Variants in CSNK1G3 observed in about 807,000 individuals in gnomAD.
The protein encoded by CSNK1G3 is casein kinase I isoform gamma-3.
A neutral mutation model predicts 64.3 loss-of-function variants in CSNK1G3; 23 were observed. That is an observed-to-expected ratio of 0.36 (90% confidence interval 0.26 to 0.51). The LOEUF (loss-of-function observed/expected upper bound fraction) is 0.51, where lower values mean the gene tolerates loss of function less well. Ranked by LOEUF, CSNK1G3 falls within the 20% of genes least tolerant of loss-of-function variation. CSNK1G3 has a pLI of 0.96. For missense variants in CSNK1G3, 357 were observed against 510.5 expected (o/e 0.70, Z 2.90); for synonymous variants, 158 against 162.2 (o/e 0.97, Z 0.20).
intron 1 of CSNK1G3, among the ~76,000 whole-genome samples, chr5:123,529,405 T>C (rs1159260935): frequency 6.6e-6 from 1 of 152,142 alleles, no homozygotes; most frequent in Non-Finnish European, 1.5e-5. Flanking sequence ...TGAAAGAACA[T>C]TCTTTTAAAT....
chr5:123,548,565 G>A (rs1783020939), intron 2 of CSNK1G3, among the ~76,000 whole-genome samples: 1 of 151,372 alleles, frequency 6.6e-6, no homozygotes, highest in South Asian at 2.1e-4. Context: ...TTAAATACGT[G>A]TGTTTATCAT....
At chr5:123,522,797 G>A (rs982879173) in intron 1 of CSNK1G3, among the ~76,000 whole-genome samples, 3 of 152,124 alleles carry the variant, frequency 2.0e-5, no homozygotes, top group Admixed American at 2.0e-4. Flanking sequence ...GATAATGAGG[G>A]TCAATTGTAC....
chr5:123,590,745 C>T (rs528366997), intron 9 of CSNK1G3, among the ~76,000 whole-genome samples, 187 bp downstream of exon 9: 1 of 152,096 alleles, frequency 6.6e-6, no homozygotes, highest in South Asian at 2.1e-4. Context: ...AGCCCTACAT[C>T]TGGATTCTTT....
intron 4 of CSNK1G3, 88 bp from the exon 5 acceptor site, chr5:123,573,305 C>T: frequency 7.1e-7 from 1 of 1,398,766 alleles, no homozygotes; most frequent in Non-Finnish European, 1.0e-6. Context: ...GTTCTTGAAA[C>T]TATAAAATTT....
At chr5:123,594,823 CTATTT>C (rs1363221973) in intron 10 of CSNK1G3, among the ~76,000 whole-genome samples, 1 of 152,010 alleles carries the variant, frequency 6.6e-6, no homozygotes, top group African/African-American at 2.4e-5. Flanking sequence ...TTTTATGGTT[CTATTT>C]TATTTTTATT....
At chr5:123,613,407 G>A (rs1340324572) in intron 12 of CSNK1G3, among the ~76,000 whole-genome samples, 4 of 129,290 alleles carry the variant, frequency 3.1e-5, no homozygotes, top group Non-Finnish European at 6.8e-5. Context: ...ACCATGTCCA[G>A]TGCATGTGTG....
chr5:123,519,516 A>T (rs1777735417), intron 1 of CSNK1G3, among the ~76,000 whole-genome samples: 1 of 151,802 alleles, frequency 6.6e-6, no homozygotes, highest in Non-Finnish European at 1.5e-5. Context: ...ACTTGTTTAA[A>T]TTTTTTTTTC....
intron 10 of CSNK1G3, among the ~76,000 whole-genome samples, chr5:123,594,285 A>T (rs1021702695): frequency 1.3e-5 from 2 of 152,196 alleles, no homozygotes; most frequent in Non-Finnish European, 2.9e-5. Context: ...TTACTGGTAG[A>T]TTATGATGTT....
At chr5:123,535,825 A>G (rs1478837470) in intron 1 of CSNK1G3, among the ~76,000 whole-genome samples, 3 of 152,112 alleles carry the variant, frequency 2.0e-5, no homozygotes, top group South Asian at 2.1e-4. Flanking sequence ...TTTGATGTTC[A>G]ATTTTAAGCT....
chr5:123,522,643 A>G (rs1238509870), intron 1 of CSNK1G3, among the ~76,000 whole-genome samples: 1 of 152,144 alleles, frequency 6.6e-6, no homozygotes, highest in Admixed American at 6.5e-5. Context: ...AATACAATGT[A>G]AGTGCTGTGT....
chr5:123,541,213 C>T (rs546344876), intron 1 of CSNK1G3, among the ~76,000 whole-genome samples: 1 of 151,888 alleles, frequency 6.6e-6, no homozygotes, highest in Non-Finnish European at 1.5e-5. Flanking sequence ...TGTTTTGCCT[C>T]GTTTTGCTCA....
intron 4 of CSNK1G3, among the ~76,000 whole-genome samples, chr5:123,562,794 C>A: frequency 6.6e-6 from 1 of 151,916 alleles, no homozygotes; most frequent in Non-Finnish European, 1.5e-5. Flanking sequence ...AGGAGATATG[C>A]AGAAAGTTTT....
intron 1 of CSNK1G3, among the ~76,000 whole-genome samples, chr5:123,545,075 T>C (rs750764334): frequency 2.5e-4 from 38 of 152,170 alleles, no homozygotes; most frequent in Admixed American, 1.3e-3. Flanking sequence ...GAAAATCTTA[T>C]GTTGACTTAC....
At chr5:123,517,986 G>T (rs1377975234) in intron 1 of CSNK1G3, among the ~76,000 whole-genome samples, 1 of 150,638 alleles carries the variant, frequency 6.6e-6, no homozygotes, top group East Asian at 1.9e-4. Flanking sequence ...ATTCCTTAGA[G>T]TGAATTGTTT....
intron 1 of CSNK1G3, among the ~76,000 whole-genome samples, chr5:123,528,082 T>C (rs780390557): frequency 2.6e-5 from 4 of 152,162 alleles, no homozygotes; most frequent in Non-Finnish European, 4.4e-5. Context: ...TATAAACTTA[T>C]TAGAATTATT....
intron 4 of CSNK1G3, among the ~76,000 whole-genome samples, chr5:123,566,833 A>T (rs566875423): frequency 3.1e-4 from 47 of 152,290 alleles, no homozygotes; most frequent in African/African-American, 1.1e-3. Flanking sequence ...AATAAAAATT[A>T]GGAAAAGTTT....
intron 1 of CSNK1G3, among the ~76,000 whole-genome samples, chr5:123,543,370 T>C (rs1183958841): frequency 4.6e-5 from 7 of 152,150 alleles, no homozygotes; most frequent in Non-Finnish European, 8.8e-5. Flanking sequence ...ATAGGAACTT[T>C]AGAGTCTCTC....
At chr5:123,615,593 G>GAACAACAAC (rs149017033) in exon 13 of CSNK1G3, 1 of 150,924 alleles carries the variant, frequency 6.6e-6, no homozygotes, top group Admixed American at 6.7e-5. Flanking sequence ...GCCTGCATAT[G>GAACAACAAC]AACAACAACA....
rs781414567 is a variant in CSNK1G3 at position 123,604,866 on chromosome 5, G to A, written c.1193+36G>A. On this transcript the variant is annotated intron_variant, in intron 11 of 12. Coordinates refer to ENST00000345990, the Ensembl canonical transcript of CSNK1G3. ...GTTTTACTTGTTTTAGTAACTTTTT[G>A]TTCTTAAATTATGCATGCTTGAGAT... The A allele has an allele frequency of 2.0e-6, 3 of 1,480,216 alleles. No individual in the cohort carries two copies. In the African/African-American group the frequency reaches 4.2e-5, roughly 21 times the overall value. The allele number at this position is 1,480,216 out of a possible 1,614,324, so 91.7% of individuals were successfully genotyped here. A position where few individuals can be genotyped will look rare whatever the true frequency, so the allele number is the denominator to read the frequency against.
Sources: gnomAD v4.1 joint callset for allele counts (sites outside exome capture counted in the v4.1 genomes callset) on GRCh38, gnomAD v4.1.1 for gene constraint, MANE v1.5 for transcripts, NCBI Gene and HGNC (gene_info 2026-07-23, HGNC 2026-07-21) for gene names.